The following CYP4Z1 variants were observed in gnomAD, a reference collection of about 807,000 sequenced individuals.
The protein encoded by CYP4Z1 is cytochrome P450 family 4 subfamily Z member 1, also known as cytochrome P450 4Z1.
A neutral mutation model predicts 54.2 loss-of-function variants in CYP4Z1; 41 were observed. The observed-to-expected ratio is 0.76, with a 90% confidence interval of 0.59 to 0.98. The LOEUF (loss-of-function observed/expected upper bound fraction) is 0.98. CYP4Z1 is among the 50% of genes least tolerant of loss of function. CYP4Z1 has a pLI of 0.00. For synonymous variants in CYP4Z1, 163 were observed against 206.2 expected (o/e 0.79, Z 1.79); for missense variants, 513 against 599.0 (o/e 0.86, Z 1.50).
rs13374082 is a variant in CYP4Z1, at chr1:47,084,508, T to G, written c.493-112T>G. The G allele has an allele frequency of 6.2e-3, 9,120 of 1,475,968 alleles. 516 individuals are homozygous for G. The African/African-American group carries it at 0.12, about 19-fold the overall frequency. 91.4% of individuals were successfully genotyped at this position (1,475,968 alleles called of 1,614,324 possible). On this transcript the variant is annotated intron_variant, in intron 4 of 11. Coordinates refer to ENST00000334194, the MANE Select transcript of CYP4Z1 (RefSeq NM_178134.3). The stretch of plus-strand genomic sequence containing the variant: ...GGTTGTCATAATAAGGCAAATTCAT[T>G]TTGTACGCTTTATATTTTCAAACCC...
At chr1:47,068,805 G>C in intron 2 of CYP4Z1, 42 bp downstream of exon 2, 1 of 1,603,198 alleles carries the variant, frequency 6.2e-7, no homozygotes, top group Non-Finnish European at 8.5e-7. Context: ...CAGCAACAAA[G>C]AGGGTCTCAG....
chr1:47,092,788 AT>A (rs1411426093), intron 6 of CYP4Z1, among the ~76,000 whole-genome samples: 1 of 151,108 alleles, frequency 6.6e-6, no homozygotes, highest in Non-Finnish European at 1.5e-5. Flanking sequence ...TAGGAACAGC[AT>A]AACATCCCTC....
Position 47,097,909 on chromosome 1 carries a change from A to G in CYP4Z1, c.877-1185A>G, listed in dbSNP as rs182980340. On this transcript the variant is annotated intron_variant, in intron 7 of 11. Coordinates refer to ENST00000334194, the MANE Select transcript of CYP4Z1 (RefSeq NM_178134.3). The stretch of plus-strand genomic sequence containing the variant: ...TGGCTCACTGCAACCTCCACCTCCC[A>G]GGTTCAAGTGATTCTCATGTCTCAG... Among the ~76,000 whole-genome samples the G allele has an allele frequency of 4.5e-3, 653 of 143,944 alleles. 2 individuals are homozygous for G. The highest frequency in any genetic ancestry group is 7.0e-3 in the Admixed American group (98 of 13,916). The allele number at this position is 143,944 out of a possible 152,430, so 94.4% of individuals were successfully genotyped here. A position where few individuals can be genotyped will look rare whatever the true frequency, so the allele number is the denominator to read the frequency against.
At chr1:47,116,220 C>T (rs554313200) in intron 10 of CYP4Z1, among the ~76,000 whole-genome samples, 2 of 152,224 alleles carry the variant, frequency 1.3e-5, no homozygotes, top group Admixed American at 1.3e-4. Context: ...TTGTGAATTG[C>T]CACCCCTTTT....
At chr1:47,111,872 A>G (rs1471003904) in intron 9 of CYP4Z1, among the ~76,000 whole-genome samples, 2 of 152,230 alleles carry the variant, frequency 1.3e-5, no homozygotes, top group Admixed American at 6.5e-5. Flanking sequence ...ATCCATTAAA[A>G]ACTCTTGGGC....
intron 6 of CYP4Z1, among the ~76,000 whole-genome samples, chr1:47,090,082 T>C (rs1259890934): frequency 1.3e-5 from 2 of 152,248 alleles, no homozygotes; most frequent in African/African-American, 4.8e-5. Context: ...CAGTCATCTT[T>C]TTTAGGACAA....
chr1:47,056,600 G>C, the CYP4Z1 span, among the ~76,000 whole-genome samples: 1 of 152,160 alleles, frequency 6.6e-6, no homozygotes, highest in Admixed American at 6.5e-5. Context: ...GAATCTGGGT[G>C]CTCCTGTATT....
intron 6 of CYP4Z1, among the ~76,000 whole-genome samples, chr1:47,093,904 C>T (rs1644657517): frequency 6.6e-6 from 1 of 152,178 alleles, no homozygotes; most frequent in Non-Finnish European, 1.5e-5. Context: ...GTTCCAGGAG[C>T]CTTTTGGCAG....
the CYP4Z1 span, among the ~76,000 whole-genome samples, chr1:47,058,987 T>C: frequency 8.0e-3 from 1,211 of 152,314 alleles, 8 homozygotes; most frequent in Non-Finnish European, 0.014. Context: ...CTTAATAGTA[T>C]GTATTTGCCC....
chr1:47,097,117 C>G (rs536294129), intron 7 of CYP4Z1: 1 of 152,316 alleles, frequency 6.6e-6, no homozygotes, highest in East Asian at 1.9e-4. Flanking sequence ...CTAGCTCCAT[C>G]CATGTCCCTG....
At chr1:47,084,785 G>A (rs1644579755) in intron 5 of CYP4Z1, 39 bp from the exon 6 acceptor site, 1 of 1,612,354 alleles carries the variant, frequency 6.2e-7, no homozygotes, top group African/African-American at 1.3e-5. Context: ...CAATAACTGT[G>A]TCACCCACTA....
At chr1:47,116,762 A>G (rs367739354) in intron 11 of CYP4Z1, 30 bp downstream of exon 11, 2 of 1,527,450 alleles carry the variant, frequency 1.3e-6, no homozygotes, top group Non-Finnish European at 1.8e-6. Context: ...AACTTGATGG[A>G]AATGTGTAAT....
At chr1:47,064,071 ATTTGGGTCCTTTTTTTTT>A (rs1644437642), upstream of CYP4Z1, among the ~76,000 whole-genome samples, 1 of 140,932 alleles carries the variant, frequency 7.1e-6, no homozygotes, top group South Asian at 2.3e-4. Context: ...GTTAGAAGGG[ATTTGGGTCCTTTTTTTTT>A]TTTTTTTTTT....
At chr1:47,099,360 A>G in intron 8 of CYP4Z1, 76 bp downstream of exon 8, 1 of 1,376,008 alleles carries the variant, frequency 7.3e-7, no homozygotes, top group Admixed American at 2.7e-5. Context: ...GGTATCAGTA[A>G]GTTATTGTGC....
chr1:47,091,756 C>CT lies in CYP4Z1; in HGVS notation c.773-2802dup, dbSNP rs1172956457. 1.6e-4 allele frequency among the ~76,000 whole-genome samples: 23 copies of CT among 144,590 alleles called. 1 individual carries two copies. Among genetic ancestry groups the CT allele is most frequent in the South Asian group, 4.6e-4 (2 of 4,306 alleles). 94.9% of individuals were successfully genotyped at this position (144,590 alleles called of 152,430 possible). A position where few individuals can be genotyped will look rare whatever the true frequency, so the allele number is the denominator to read the frequency against. On this transcript the variant is annotated intron_variant, in intron 6 of 11. Coordinates refer to ENST00000334194, the MANE Select transcript of CYP4Z1 (RefSeq NM_178134.3). ...TTATTTCCTAGGGTTAACCTGGAGGCTTTTTTTTGCTAGTAGAGCTGTTAT... is the reference window on the plus strand; with the variant it reads ...TTATTTCCTAGGGTTAACCTGGAGGCTTTTTTTTTGCTAGTAGAGCTGTTAT...
Position 47,106,244 on chromosome 1 carries a change from G to C in CYP4Z1, c.1184G>C (p.Gly395Ala). 1 of 1,609,316 alleles carries C rather than the reference G, an allele frequency of 6.2e-7. No homozygotes were observed. The highest frequency in any genetic ancestry group is 8.5e-7 in the Non-Finnish European group (1 of 1,179,200). The change falls in exon 9 of 12, where the codon GGA becomes GCA. Residue 395 changes from glycine (G) to alanine (A), a missense_variant. Gly to Ala is a moderately conservative substitution (Grantham distance 60). Coordinates refer to ENST00000334194, the MANE Select transcript of CYP4Z1 (RefSeq NM_178134.3). ...LLDKPITFPD[G>A]RSLPAGITVF... ...GACAAACCCATCACCTTTCCAGATG[G>C]ACGCTCCTTACCTGCAGGTCTTAAA...
At chr1:47,091,884 G>T (rs529517099) in intron 6 of CYP4Z1, among the ~76,000 whole-genome samples, 41 of 150,114 alleles carry the variant, frequency 2.7e-4, no homozygotes, top group African/African-American at 8.7e-4. Context: ...TTCCGGTCCT[G>T]CTGTGGGAAG....
Position 47,118,240 on chromosome 1 carries a change from C to G in CYP4Z1, c.*306C>G. On this transcript the variant is annotated 3_prime_UTR_variant, in exon 12 of 12. Coordinates refer to ENST00000334194, the MANE Select transcript of CYP4Z1 (RefSeq NM_178134.3). ...TGATCAAAACTCCACTCAGTATCTG[C>G]ATTACTTTTATCTCTGCAAATATCT... 1 of 240,104 alleles carries G rather than the reference C, an allele frequency of 4.2e-6. No individual in the cohort carries two copies. The highest frequency in any genetic ancestry group is 8.9e-5 in the East Asian group (1 of 11,294). 14.9% of individuals were successfully genotyped at this position (240,104 alleles called of 1,614,324 possible). A position where few individuals can be genotyped will look rare whatever the true frequency, so the allele number is the denominator to read the frequency against.
intron 8 of CYP4Z1, among the ~76,000 whole-genome samples, chr1:47,101,509 T>C (rs1299495799): frequency 6.6e-6 from 1 of 152,128 alleles, no homozygotes; most frequent in African/African-American, 2.4e-5. Context: ...CTTGACCCAA[T>C]TGTTGTTCAG....
Sources: gnomAD v4.1 joint callset for allele counts (sites outside exome capture counted in the v4.1 genomes callset) on GRCh38, gnomAD v4.1.1 for gene constraint, MANE v1.5 for transcripts, NCBI Gene and HGNC (gene_info 2026-07-23, HGNC 2026-07-21) for gene names.